The following FSIP1 variants were observed in gnomAD, a reference collection of about 807,000 sequenced individuals.
FSIP1 encodes fibrous sheath-interacting protein 1.
A neutral mutation model predicts 60.9 loss-of-function variants in FSIP1; 65 were observed. The observed-to-expected ratio is 1.07, with a 90% confidence interval of 0.87 to 1.31. FSIP1 has a LOEUF of 1.31. FSIP1 is among the 40% of genes most tolerant of loss of function. The probability of loss-of-function intolerance (pLI) is 0.00; values close to 1 mark genes in which losing one functional copy is unlikely to be tolerated. For synonymous variants in FSIP1, 209 were observed against 221.2 expected (o/e 0.94, Z 0.49); for missense variants, 675 against 665.5 (o/e 1.01, Z -0.16).
intron 10 of FSIP1, among the ~76,000 whole-genome samples, chr15:39,651,728 G>A (rs1158749617): frequency 6.6e-6 from 1 of 152,172 alleles, no homozygotes; most frequent in Non-Finnish European, 1.5e-5. Context: ...TTAAACCTCT[G>A]GAGATTACCT....
rs375877021 is a variant in FSIP1 at position 39,691,095 on chromosome 15, C to G, written c.1188+22349G>C. On this transcript the variant is annotated intron_variant, in intron 10 of 11. Coordinates refer to ENST00000350221, the MANE Select transcript of FSIP1 (RefSeq NM_152597.5). ...GGCAATCAGCACTGTGAGACTTTGT[C>G]TCGCCACCAATTTCCTGTCACTCTT... 4.6e-5 allele frequency among the ~76,000 whole-genome samples: 7 copies of G among 152,324 alleles called. No homozygotes were observed. The East Asian group carries it at 1.3e-3, about 29-fold the overall frequency.
chr15:39,714,900 G>A (rs1895675249), intron 9 of FSIP1, among the ~76,000 whole-genome samples: 1 of 148,802 alleles, frequency 6.7e-6, no homozygotes, highest in African/African-American at 2.5e-5. Context: ...TTGAACCTGG[G>A]AGGTCGAGGC....
intron 10 of FSIP1, among the ~76,000 whole-genome samples, chr15:39,673,111 C>A (rs1168459713): frequency 6.6e-6 from 1 of 152,176 alleles, no homozygotes; most frequent in African/African-American, 2.4e-5. Flanking sequence ...GTCATGACAT[C>A]AAGTCTCACA....
intron 10 of FSIP1, among the ~76,000 whole-genome samples, chr15:39,651,239 A>G (rs1308666715): frequency 6.6e-6 from 1 of 152,248 alleles, no homozygotes; most frequent in Non-Finnish European, 1.5e-5. Flanking sequence ...AAATTTCTTA[A>G]GCTTCCAGAG....
At chr15:39,642,944 T>C (rs1262570622) in intron 10 of FSIP1, among the ~76,000 whole-genome samples, 1 of 152,208 alleles carries the variant, frequency 6.6e-6, no homozygotes, top group Non-Finnish European at 1.5e-5. Context: ...GAAAATAAAA[T>C]TCCTCTAATG....
chr15:39,752,745 C>T (rs1343507597), intron 5 of FSIP1, among the ~76,000 whole-genome samples: 1 of 151,700 alleles, frequency 6.6e-6, no homozygotes, highest in Non-Finnish European at 1.5e-5. Context: ...GATTCTGGAA[C>T]AAAAAACGGA....
At chr15:39,766,312 G>A (rs1428114888) in intron 3 of FSIP1, among the ~76,000 whole-genome samples, 2 of 152,162 alleles carry the variant, frequency 1.3e-5, no homozygotes, top group Non-Finnish European at 2.9e-5. Flanking sequence ...ATTTCTTAAA[G>A]TACAATTGAT....
intron 9 of FSIP1, among the ~76,000 whole-genome samples, chr15:39,714,977 A>AG (rs1455077812): frequency 1.3e-5 from 2 of 150,398 alleles, no homozygotes; most frequent in African/African-American, 2.4e-5. Flanking sequence ...TGTCTCAAAA[A>AG]AAAAAAAAAA....
intron 10 of FSIP1, among the ~76,000 whole-genome samples, chr15:39,660,090 C>G (rs761374444): frequency 2.0e-5 from 3 of 152,088 alleles, no homozygotes; most frequent in Non-Finnish European, 4.4e-5. Flanking sequence ...ACCAGCATGC[C>G]CTAGGATTGA....
intron 5 of FSIP1, chr15:39,747,564 T>C (rs1897040575): frequency 6.6e-6 from 1 of 152,166 alleles, no homozygotes; most frequent in Non-Finnish European, 1.5e-5. Flanking sequence ...CCAAAAACAA[T>C]ATGAGCAGTG....
chr15:39,745,752 T>G (rs1259380052), intron 5 of FSIP1, among the ~76,000 whole-genome samples: 1 of 152,126 alleles, frequency 6.6e-6, no homozygotes, highest in Non-Finnish European at 1.5e-5. Flanking sequence ...ATACAGACAG[T>G]GGCCCTAGCT....
At chr15:39,675,933 G>A (rs1243712084) in intron 10 of FSIP1, among the ~76,000 whole-genome samples, 1 of 151,904 alleles carries the variant, frequency 6.6e-6, no homozygotes, top group African/African-American at 2.4e-5. Flanking sequence ...GAAGGCTGAG[G>A]CAGGTGGATT....
intron 1 of FSIP1, 89 bp from the exon 2 acceptor site, chr15:39,776,620 C>T: frequency 8.4e-7 from 1 of 1,197,366 alleles, no homozygotes; most frequent in East Asian, 2.4e-5. Flanking sequence ...TACTCAGAGG[C>T]TTTGTTTTAA....
chr15:39,685,440 A>G (rs12911999), intron 10 of FSIP1, among the ~76,000 whole-genome samples: 86,719 of 152,082 alleles, frequency 0.57, 27,118 homozygotes, highest in Non-Finnish European at 0.72. Flanking sequence ...GCCATCCCCA[A>G]CAAACACACA....
At chr15:39,679,248 G>A (rs552885912) in intron 10 of FSIP1, among the ~76,000 whole-genome samples, 17 of 152,252 alleles carry the variant, frequency 1.1e-4, no homozygotes, top group African/African-American at 2.9e-4. Context: ...AAACGCTAAC[G>A]GCTAAGGAAT....
At chr15:39,649,693 ACTCTGCCGTCGTC>A (rs983072064) in intron 10 of FSIP1, among the ~76,000 whole-genome samples, 1 of 151,984 alleles carries the variant, frequency 6.6e-6, no homozygotes, top group Admixed American at 6.6e-5. Context: ...CACTTTTTCT[ACTCTGCCGTCGTC>A]CTCTGCCCAG....
Position 39,689,771 on chromosome 15 carries a change from A to G in FSIP1, c.1188+23673T>C, listed in dbSNP as rs1277368755. ...AATAATAGTAAGATTAGTTATCTAA[A>G]TGTCCACACAAATGGCATAAATCAC... On this transcript the variant is annotated intron_variant, in intron 10 of 11. Transcript: ENST00000350221. 2.0e-5 allele frequency among the ~76,000 whole-genome samples: 3 copies of G among 152,238 alleles called. No homozygotes were observed. In the East Asian group the frequency reaches 5.8e-4, roughly 29 times the overall value.
chr15:39,722,213 T>C (rs1292835972), intron 9 of FSIP1, among the ~76,000 whole-genome samples: 1 of 151,998 alleles, frequency 6.6e-6, no homozygotes, highest in Non-Finnish European at 1.5e-5. Flanking sequence ...TATGAGAATC[T>C]AATACCTGGT....
Position 39,765,703 on chromosome 15 carries a change from A to T in FSIP1, c.354T>A (p.Ala118=). The T allele has an allele frequency of 6.4e-7, 1 of 1,560,488 alleles. No homozygotes were observed. Among genetic ancestry groups the T allele is most frequent in the Non-Finnish European group, 8.8e-7 (1 of 1,138,992 alleles). Residue 118 remains alanine, a synonymous_variant, in exon 4 of 12, where the codon GCT becomes GCA. Transcript: ENST00000350221. ...TATCAAGTTTTTTCATCTTCTGAATAGCATCTTGAAGTTGAGAATCTAATT... is the reference window on the plus strand; with the variant it reads ...TATCAAGTTTTTTCATCTTCTGAATTGCATCTTGAAGTTGAGAATCTAATT... ...LKELDSQLQD[A]IQKMKKLDKI...
Sources: allele counts gnomAD v4.1 joint callset (sites outside exome capture counted in the v4.1 genomes callset), GRCh38; gene constraint gnomAD v4.1.1; transcripts MANE v1.5; gene names NCBI Gene and HGNC (gene_info 2026-07-23, HGNC 2026-07-21).